NEMF: variants seen among roughly 807,000 people sequenced by gnomAD.
The protein encoded by NEMF is nuclear export mediator factor.
A neutral mutation model predicts 162.2 loss-of-function variants in NEMF; 89 were observed. The observed-to-expected ratio is 0.55, with a 90% CI of 0.46 to 0.65. NEMF has a LOEUF of 0.65. NEMF is among the 30% of genes least tolerant of loss of function. The pLI is 0.00. For missense variants in NEMF, 1,133 were observed against 1,261.9 expected (o/e 0.90, Z 1.55); for synonymous variants, 421 against 404.5 (o/e 1.04, Z -0.49).
In NEMF at chr14:49,814,734, C is replaced by T. The variant is rs751446945; in HGVS notation, c.1681+20G>A. 6.4e-5 allele frequency: 93 copies of T among 1,444,926 alleles called. No individual in the cohort carries two copies. Among genetic ancestry groups the T allele is most frequent in the Non-Finnish European group, 7.8e-5 (83 of 1,061,666 alleles). 89.5% of individuals were successfully genotyped at this position (1,444,926 alleles called of 1,614,324 possible). A position where few individuals can be genotyped will look rare whatever the true frequency, so the allele number is the denominator to read the frequency against. On this transcript the variant is annotated intron_variant, in intron 17 of 32. Coordinates refer to ENST00000298310, the MANE Select transcript of NEMF (RefSeq NM_004713.6). The stretch of plus-strand genomic sequence containing the variant: ...CCAAACATTCAAGAGAAAATTTTTC[C>T]GAATTTTAATCTTACCTACCTGGTG...
At chr14:49,851,726 G>T in intron 2 of NEMF, 61 bp from the exon 3 acceptor site, 2 of 1,485,228 alleles carry the variant, frequency 1.3e-6, no homozygotes, top group Non-Finnish European at 1.9e-6. Flanking sequence ...TTGCTAAACA[G>T]GCTTAAAATG....
chr14:49,850,699 T>C (rs1893729632), intron 3 of NEMF, among the ~76,000 whole-genome samples: 1 of 151,112 alleles, frequency 6.6e-6, no homozygotes, highest in Admixed American at 6.6e-5. Flanking sequence ...CATATTAATG[T>C]CAGTGAGTAT....
chr14:49,816,003 T>C (rs1242955034), intron 16 of NEMF, among the ~76,000 whole-genome samples: 2 of 151,966 alleles, frequency 1.3e-5, no homozygotes, highest in Non-Finnish European at 2.9e-5. Context: ...ATAAAAAAGA[T>C]AGTGAGAGAT....
Position 49,800,402 on chromosome 14 carries a change from A to C in NEMF, c.2372+18T>G. On this transcript the variant is annotated intron_variant, in intron 23 of 32. Coordinates refer to ENST00000298310, the MANE Select transcript of NEMF (RefSeq NM_004713.6). The stretch of plus-strand genomic sequence containing the variant: ...CTCAGCTTACACAATAATATGTAAA[A>C]TTTTATTTTTTAATTACCTTTGGGG... 1.3e-6 allele frequency: 2 copies of C among 1,553,546 alleles called. No homozygotes were observed. The highest frequency in any genetic ancestry group is 1.7e-6 in the Non-Finnish European group (2 of 1,146,616).
intron 15 of NEMF, 126 bp from the exon 16 acceptor site, chr14:49,826,081 A>T: frequency 1.8e-6 from 1 of 554,844 alleles, no homozygotes; most frequent in Admixed American, 3.3e-5. Context: ...CACACACACA[A>T]ACACACACAC....
At chr14:49,794,138 A>G (rs1890579815) in intron 26 of NEMF, among the ~76,000 whole-genome samples, 1 of 152,194 alleles carries the variant, frequency 6.6e-6, no homozygotes. Context: ...CTGTCTAGCT[A>G]TTCCTATGTT....
At chr14:49,808,206 C>T (rs988653411) in intron 18 of NEMF, among the ~76,000 whole-genome samples, 1 of 152,156 alleles carries the variant, frequency 6.6e-6, no homozygotes, top group East Asian at 1.9e-4. Flanking sequence ...CAGAATTTCG[C>T]TCATTGCCCA....
intron 16 of NEMF, among the ~76,000 whole-genome samples, chr14:49,822,205 T>C (rs955559473): frequency 6.6e-6 from 1 of 151,966 alleles, no homozygotes; most frequent in African/African-American, 2.4e-5. Context: ...TGTTCACTTG[T>C]TTGCCTGCTG....
chr14:49,822,079 G>T (rs1892091881), intron 16 of NEMF, among the ~76,000 whole-genome samples: 1 of 151,952 alleles, frequency 6.6e-6, no homozygotes, highest in African/African-American at 2.4e-5. Context: ...GGCGGTGCAA[G>T]ATGTGCTTTG....
intron 11 of NEMF, among the ~76,000 whole-genome samples, chr14:49,829,945 T>G (rs1242880026): frequency 6.6e-6 from 1 of 152,194 alleles, no homozygotes; most frequent in Admixed American, 6.5e-5. Flanking sequence ...CAAATGACTT[T>G]GTATTTTTTG....
Position 49,795,797 on chromosome 14 carries a change from T to C in NEMF, c.2613A>G (p.Gly871=), listed in dbSNP as rs1890665091. 1 of 1,610,076 alleles carries C rather than the reference T, an allele frequency of 6.2e-7. No individual in the cohort carries two copies. Among genetic ancestry groups the C allele is most frequent in the African/African-American group, 1.3e-5 (1 of 74,566 alleles). ...AGATCATCCTGAAGTTTACCTTTTGTCCTCGTTTCATTGGCTGCACAGCCG... is the reference window on the plus strand; with the variant it reads ...AGATCATCCTGAAGTTTACCTTTTGCCCTCGTTTCATTGGCTGCACAGCCG... ...NVAAVQPMKR[G]QKSKMKKMKE... Residue 871 remains glycine (G), a synonymous_variant, in exon 26 of 33, where the codon GGA becomes GGG. Transcript: ENST00000298310.
intron 28 of NEMF, chr14:49,787,099 G>A (rs532748678): frequency 2.2e-5 from 4 of 177,786 alleles, no homozygotes; most frequent in Non-Finnish European, 3.5e-5. Flanking sequence ...AGTTTGCCAG[G>A]AGAAAAGCAA....
chr14:49,837,248 C>T (rs1193992721), intron 6 of NEMF, among the ~76,000 whole-genome samples: 1 of 152,202 alleles, frequency 6.6e-6, no homozygotes, highest in Non-Finnish European at 1.5e-5. Flanking sequence ...TGCACTCCAG[C>T]CTGGTGACAG....
chr14:49,794,412 G>A (rs534269613), intron 26 of NEMF, among the ~76,000 whole-genome samples: 16 of 152,014 alleles, frequency 1.1e-4, no homozygotes, highest in Non-Finnish European at 2.2e-4. Flanking sequence ...AGGAAAATCT[G>A]ACCTGTATGG....
chr14:49,833,971 CA>C, intron 7 of NEMF: 1 of 292,768 alleles, frequency 3.4e-6, no homozygotes, highest in Non-Finnish European at 6.8e-6. Context: ...CAAACAAAAA[CA>C]AAACACCACC....
Position 49,783,064 on chromosome 14 carries a change from G to A in NEMF, c.*1572C>T. On this transcript the variant is annotated 3_prime_UTR_variant, in exon 33 of 33. Coordinates refer to ENST00000298310, the MANE Select transcript of NEMF (RefSeq NM_004713.6). Reference sequence around the variant, plus strand: ...GCATTGTTGTAGTTTGCACCTGTTGGTTTTAATGTGCATGTGAATGGCCTA... The same window carrying A: ...GCATTGTTGTAGTTTGCACCTGTTGATTTTAATGTGCATGTGAATGGCCTA... 1 of 1,134,436 alleles carries A rather than the reference G, an allele frequency of 8.8e-7. No homozygotes were observed. Among genetic ancestry groups the A allele is most frequent in the East Asian group, 2.5e-5 (1 of 39,486 alleles). The allele number at this position is 1,134,436 out of a possible 1,614,324, so 70.3% of individuals were successfully genotyped here.
chr14:49,821,641 GCTCA>G (rs1892057469), intron 16 of NEMF, among the ~76,000 whole-genome samples: 1 of 15,340 alleles, frequency 6.5e-5, no homozygotes, highest in Non-Finnish European at 1.6e-4. Context: ...GAGGTGGGGG[GCTCA>G]GCCCCCCGCC....
At chr14:49,806,912 A>G (rs1200213110) in intron 18 of NEMF, among the ~76,000 whole-genome samples, 3 of 152,322 alleles carry the variant, frequency 2.0e-5, no homozygotes, top group Non-Finnish European at 4.4e-5. Context: ...TCACCCCTTT[A>G]AAGTATACAA....
intron 18 of NEMF, among the ~76,000 whole-genome samples, chr14:49,812,212 C>T (rs1035042402): frequency 5.9e-5 from 9 of 152,034 alleles, no homozygotes; most frequent in African/African-American, 2.2e-4. Flanking sequence ...TATAATTGTT[C>T]ATGGTATTCC....
Sources: allele counts gnomAD v4.1 joint callset (sites outside exome capture counted in the v4.1 genomes callset), GRCh38; gene constraint gnomAD v4.1.1; transcripts MANE v1.5; gene names NCBI Gene and HGNC (gene_info 2026-07-23, HGNC 2026-07-21).